Variants in BORCS5 observed in about 807,000 individuals in gnomAD.
BORCS5 encodes the protein BLOC-1 related complex subunit 5.
Under a neutral mutation model 22.1 loss-of-function variants are expected in BORCS5, and 17 were observed. The ratio of observed to expected loss-of-function variants is 0.77; its 90% CI spans 0.53 to 1.15. BORCS5 has a LOEUF of 1.15. BORCS5 is among the 50% of genes most tolerant of loss of function. BORCS5 has a pLI of 0.00. For missense variants in BORCS5, 247 were observed against 253.2 expected (o/e 0.98, Z 0.17); for synonymous variants, 117 against 99.8 (o/e 1.17, Z -1.03).
rs143970182 is a variant in BORCS5 at position 12,437,084 on chromosome 12, G to C, written c.360+1299G>C. Among the ~76,000 whole-genome samples, 1,128 of 152,248 alleles carry C rather than the reference G, an allele frequency of 7.4e-3. 9 individuals carry two copies. The highest frequency in any genetic ancestry group is 0.012 in the Non-Finnish European group (846 of 68,020). On this transcript the variant is annotated intron_variant, in intron 3 of 3. Transcript: ENST00000314565. ...TTATTTTAATAAGATGTTATGGTTT[G>C]GCTGTGTCCCTACCCAAATCTCCTC...
intron 1 of BORCS5, among the ~76,000 whole-genome samples, chr12:12,360,798 G>A (rs981079784): frequency 1.3e-5 from 2 of 151,846 alleles, no homozygotes; most frequent in African/African-American, 2.4e-5. Flanking sequence ...TTGGCACACC[G>A]CAACCTCCGC....
At chr12:12,390,360 T>C (rs1169711484) in intron 2 of BORCS5, among the ~76,000 whole-genome samples, 3 of 152,082 alleles carry the variant, frequency 2.0e-5, no homozygotes, top group Admixed American at 2.0e-4. Context: ...AATCTTTACA[T>C]AGATCATGAT....
intron 2 of BORCS5, among the ~76,000 whole-genome samples, chr12:12,364,736 G>T (rs1863368242): frequency 6.6e-6 from 1 of 152,236 alleles, no homozygotes. Flanking sequence ...GAAGGCCAAG[G>T]CGGTTGGATC....
At chr12:12,434,826 G>A (rs962438137) in intron 2 of BORCS5, among the ~76,000 whole-genome samples, 1 of 152,136 alleles carries the variant, frequency 6.6e-6, no homozygotes, top group Non-Finnish European at 1.5e-5. Flanking sequence ...TGGGGTCCTT[G>A]GTAATTTTTG....
At chr12:12,424,141 CTTTCTG>C (rs1347672656) in intron 2 of BORCS5, among the ~76,000 whole-genome samples, 1 of 152,142 alleles carries the variant, frequency 6.6e-6, no homozygotes, top group Non-Finnish European at 1.5e-5. Flanking sequence ...CTCCCTTTCT[CTTTCTG>C]TTTTCCTTTT....
intron 2 of BORCS5, among the ~76,000 whole-genome samples, chr12:12,412,688 C>T (rs1164562457): frequency 6.6e-6 from 1 of 152,074 alleles, no homozygotes; most frequent in Non-Finnish European, 1.5e-5. Flanking sequence ...GGCATCCTTG[C>T]TTTATTCCTG....
At chr12:12,419,469 A>C (rs1942057617) in intron 2 of BORCS5, among the ~76,000 whole-genome samples, 1 of 152,168 alleles carries the variant, frequency 6.6e-6, no homozygotes, top group South Asian at 2.1e-4. Context: ...GTTGGTTCCA[A>C]GTCTTTGCTG....
intron 2 of BORCS5, among the ~76,000 whole-genome samples, chr12:12,365,389 A>G (rs1016611305): frequency 4.0e-5 from 6 of 148,270 alleles, no homozygotes; most frequent in Non-Finnish European, 5.9e-5. Context: ...TATGTTGCCC[A>G]TGTTGGTCTT....
In BORCS5 at chr12:12,357,228, G is replaced by C; in HGVS notation, c.-224G>C. 3 of 1,477,702 alleles carry C rather than the reference G, an allele frequency of 2.0e-6. No homozygotes were observed. Among genetic ancestry groups the C allele is most frequent in the Non-Finnish European group, 2.7e-6 (3 of 1,117,956 alleles). The allele number at this position is 1,477,702 out of a possible 1,614,324, so 91.5% of individuals were successfully genotyped here. Reference sequence around the variant, plus strand: ...AGGAGGGCTAGCCGCGTGCGTTCGCGCCGCGCCTCCTTGCGTTTCTGTTCC... The same window carrying C: ...AGGAGGGCTAGCCGCGTGCGTTCGCCCCGCGCCTCCTTGCGTTTCTGTTCC... On this transcript the variant is annotated 5_prime_UTR_variant, in exon 1 of 4. Transcript: ENST00000314565.
intron 2 of BORCS5, among the ~76,000 whole-genome samples, chr12:12,414,852 C>T (rs1469068358): frequency 4.0e-5 from 6 of 148,634 alleles, no homozygotes; most frequent in African/African-American, 7.5e-5. Flanking sequence ...CGGGCAGAGA[C>T]GCTCCTCACC....
chr12:12,403,477 TG>T (rs903596925), intron 2 of BORCS5, among the ~76,000 whole-genome samples: 3 of 152,090 alleles, frequency 2.0e-5, no homozygotes, highest in African/African-American at 7.2e-5. Flanking sequence ...TAGTCCGCTG[TG>T]GGGGGCACCT....
chr12:12,435,850 C>A, intron 3 of BORCS5, 65 bp downstream of exon 3: 1 of 1,477,608 alleles, frequency 6.8e-7, no homozygotes, highest in South Asian at 1.2e-5. Flanking sequence ...CTCTGGATGC[C>A]ATCTTAAGAC....
chr12:12,391,651 G>A (rs1405530816), intron 2 of BORCS5, among the ~76,000 whole-genome samples: 4 of 151,256 alleles, frequency 2.6e-5, no homozygotes, highest in Admixed American at 6.6e-5. Flanking sequence ...GCCTCCGAAA[G>A]TGCTGGGATT....
chr12:12,422,335 C>T (rs543346557), intron 2 of BORCS5, among the ~76,000 whole-genome samples: 10 of 151,846 alleles, frequency 6.6e-5, no homozygotes, highest in East Asian at 1.9e-4. Context: ...TGAAGGAGGC[C>T]GGATGCGGTG....
chr12:12,400,629 A>G lies in BORCS5; in HGVS notation c.203-34999A>G, dbSNP rs73283439. On this transcript the variant is annotated intron_variant, in intron 2 of 3. Coordinates refer to ENST00000314565, the MANE Select transcript of BORCS5 (RefSeq NM_058169.6). ...ATAGCAAACACCTGTGTATTCATCAAATTTGTCATATTTTAATATTTTGCC... is the reference window on the plus strand; with the variant it reads ...ATAGCAAACACCTGTGTATTCATCAGATTTGTCATATTTTAATATTTTGCC... 4.2e-3 allele frequency among the ~76,000 whole-genome samples: 641 copies of G among 152,044 alleles called. 8 individuals carry two copies. The highest frequency in any genetic ancestry group is 0.015 in the African/African-American group (608 of 41,418).
Position 12,361,170 on chromosome 12 carries a change from A to G in BORCS5, c.59-36A>G, listed in dbSNP as rs779665680. ...TGCTTTGGTGAGGCAGAGATGCCTA[A>G]TATGCATCTCCTAAGCAGTGTAACT... On this transcript the variant is annotated intron_variant, in intron 1 of 3. Transcript: ENST00000314565. 35 of 1,588,542 alleles carry G rather than the reference A, an allele frequency of 2.2e-5. No individual in the cohort carries two copies. In the East Asian group the frequency reaches 4.7e-4, roughly 22 times the overall value.
chr12:12,452,606 T>G, intron 3 of BORCS5: 2 of 328,500 alleles, frequency 6.1e-6, no homozygotes, highest in Non-Finnish European at 1.2e-5. Flanking sequence ...CGGCAAGAGT[T>G]TATTCTTACA....
intron 2 of BORCS5, among the ~76,000 whole-genome samples, chr12:12,415,753 A>T (rs549566958): frequency 6.6e-6 from 1 of 151,950 alleles, no homozygotes; most frequent in Non-Finnish European, 1.5e-5. Context: ...GGATTTTTGC[A>T]TCAATGTTTG....
At chr12:12,396,485 G>T (rs1050242037) in intron 2 of BORCS5, among the ~76,000 whole-genome samples, 3 of 152,192 alleles carry the variant, frequency 2.0e-5, no homozygotes, top group African/African-American at 7.2e-5. Flanking sequence ...GGAGGGGCAG[G>T]TGTCTTCCAA....
Sources: allele counts gnomAD v4.1 joint callset (sites outside exome capture counted in the v4.1 genomes callset), GRCh38; gene constraint gnomAD v4.1.1; transcripts MANE v1.5; gene names NCBI Gene and HGNC (gene_info 2026-07-23, HGNC 2026-07-21).